ZBTB7C: variants seen among roughly 807,000 people sequenced by gnomAD.
ZBTB7C encodes the protein zinc finger and BTB domain containing 7C, also known as zinc finger and BTB domain-containing protein 7C.
ZBTB7C carries 8 observed loss-of-function variants against 25.7 expected under a neutral mutation model. The observed-to-expected ratio is 0.31, with a 90% confidence interval of 0.18 to 0.56. ZBTB7C has a LOEUF of 0.56. ZBTB7C is among the 20% of genes least tolerant of loss of function. The probability of loss-of-function intolerance (pLI) is 0.91; values close to 1 mark genes in which losing one functional copy is unlikely to be tolerated. For missense variants in ZBTB7C, 824 were observed against 855.2 expected, an observed-to-expected ratio of 0.96 and a Z score of 0.46; for synonymous variants, 394 against 369.0, an observed-to-expected ratio of 1.07 and a Z score of -0.78.
At chr18:48,066,768 G>A (rs1396947263) in intron 3 of ZBTB7C, among the ~76,000 whole-genome samples, 1 of 152,190 alleles carries the variant, frequency 6.6e-6, no homozygotes, top group Non-Finnish European at 1.5e-5. Context: ...TTGGAGTGGA[G>A]GAGAAGGAGC....
intron 3 of ZBTB7C, among the ~76,000 whole-genome samples, chr18:48,156,230 T>C (rs1227306818): frequency 6.6e-6 from 1 of 152,220 alleles, no homozygotes; most frequent in Admixed American, 6.5e-5. Context: ...ATGTTCAAGA[T>C]GAATGCCAAG....
chr18:48,031,103 C>T (rs1023978423), intron 4 of ZBTB7C, among the ~76,000 whole-genome samples: 10 of 152,134 alleles, frequency 6.6e-5, no homozygotes, highest in African/African-American at 9.7e-5. Context: ...AGGTGTCCTC[C>T]CTAAGATGGC....
At chr18:48,286,920 C>T (rs886929070) in intron 2 of ZBTB7C, among the ~76,000 whole-genome samples, 4 of 151,946 alleles carry the variant, frequency 2.6e-5, no homozygotes, top group South Asian at 4.2e-4. Flanking sequence ...GGCATGGTGG[C>T]GCACACCTGT....
At position 48,373,789 on chromosome 18, in the gene ZBTB7C, A is replaced by G. The variant is rs559375719; in HGVS notation, c.-303-35391T>C. ...ATCCTGGTAAACACGGTGAAACCCC[A>G]TCTCTACTAAAAATACCAAAAATTA... On this transcript the variant is annotated intron_variant, in intron 1 of 4. Transcript: ENST00000590800. Among the ~76,000 whole-genome samples, 20 of 152,230 alleles carry G rather than the reference A, an allele frequency of 1.3e-4. 1 individual carries two copies. In the East Asian group the frequency reaches 2.1e-3, roughly 16 times the overall value.
intron 3 of ZBTB7C, among the ~76,000 whole-genome samples, chr18:48,078,524 A>G (rs1454147862): frequency 6.6e-6 from 1 of 152,224 alleles, no homozygotes; most frequent in Non-Finnish European, 1.5e-5. Flanking sequence ...CAGGCCCAGC[A>G]TAAGAAGAGT....
In ZBTB7C at chr18:48,140,666, G is replaced by A. The variant is rs530802704; in HGVS notation, c.-17+45268C>T. Reference sequence around the variant, plus strand: ...GGGTATTGTTAGGCAGGGGGAGGCTGAGAGGGAGGTTGGCCTTTGCTAGAG... The same window carrying A: ...GGGTATTGTTAGGCAGGGGGAGGCTAAGAGGGAGGTTGGCCTTTGCTAGAG... On this transcript the variant is annotated intron_variant, in intron 3 of 4. Coordinates refer to ENST00000590800, the MANE Select transcript of ZBTB7C (RefSeq NM_001318841.2). Among the ~76,000 whole-genome samples, 4 of 152,266 alleles carry A rather than the reference G, an allele frequency of 2.6e-5. No individual in the cohort carries two copies. In the South Asian group the frequency reaches 8.3e-4, roughly 32 times the overall value.
chr18:48,302,525 C>G (rs1286781591), intron 2 of ZBTB7C, among the ~76,000 whole-genome samples: 1 of 152,222 alleles, frequency 6.6e-6, no homozygotes, highest in African/African-American at 2.4e-5. Context: ...AAAGCAGTTC[C>G]TCCCCTCAGA....
chr18:48,041,176 G>T, intron 3 of ZBTB7C, 53 bp from the exon 4 acceptor site: 1 of 1,521,158 alleles, frequency 6.6e-7, no homozygotes. Context: ...GCCCCAGGAG[G>T]GGTCTCAACT....
chr18:48,198,491 C>T (rs1269812037), intron 2 of ZBTB7C, among the ~76,000 whole-genome samples: 1 of 152,164 alleles, frequency 6.6e-6, no homozygotes, highest in Non-Finnish European at 1.5e-5. Context: ...GGGTTGTATT[C>T]CTTCTGGAGA....
chr18:48,070,070 C>G (rs1011423602), intron 3 of ZBTB7C, among the ~76,000 whole-genome samples: 1 of 152,114 alleles, frequency 6.6e-6, no homozygotes, highest in African/African-American at 2.4e-5. Context: ...TGTGGCAGAG[C>G]CAGAAGTCAA....
chr18:48,162,482 T>C (rs548052328), intron 3 of ZBTB7C: 104 of 440,014 alleles, frequency 2.4e-4, no homozygotes, highest in South Asian at 1.3e-3. Flanking sequence ...TCATAGACAG[T>C]TGTTACTATT....
intron 3 of ZBTB7C, among the ~76,000 whole-genome samples, chr18:48,058,102 G>A (rs1194895829): frequency 6.6e-6 from 1 of 152,222 alleles, no homozygotes; most frequent in African/African-American, 2.4e-5. Context: ...AGCACCATCT[G>A]AGCTTCAAGA....
intron 2 of ZBTB7C, among the ~76,000 whole-genome samples, chr18:48,269,524 G>GC (rs1170502150): frequency 1.3e-5 from 2 of 152,242 alleles, no homozygotes; most frequent in Non-Finnish European, 2.9e-5. Context: ...TGGGGATGAA[G>GC]TGGTGGAGAA....
intron 3 of ZBTB7C, among the ~76,000 whole-genome samples, chr18:48,062,448 G>C (rs2037163014): frequency 6.6e-6 from 1 of 152,200 alleles, no homozygotes; most frequent in African/African-American, 2.4e-5. Context: ...TGAACACTAA[G>C]CGTGTCAAGA....
chr18:48,282,470 A>T (rs2044892851), intron 2 of ZBTB7C, among the ~76,000 whole-genome samples: 1 of 152,186 alleles, frequency 6.6e-6, no homozygotes, highest in South Asian at 2.1e-4. Flanking sequence ...ATAATAAAAA[A>T]AAAATTTAGT....
intron 3 of ZBTB7C, among the ~76,000 whole-genome samples, chr18:48,106,830 CG>C (rs1282903588): frequency 8.6e-6 from 1 of 115,932 alleles, no homozygotes; most frequent in African/African-American, 3.3e-5. Context: ...GGTTCTGCAG[CG>C]GGGTGGGGAA....
chr18:48,291,868 A>C (rs1412613053), intron 2 of ZBTB7C, among the ~76,000 whole-genome samples: 2 of 152,152 alleles, frequency 1.3e-5, no homozygotes, highest in African/African-American at 4.8e-5. Flanking sequence ...GATCTCTGCT[A>C]GGAGAGACTC....
chr18:48,361,068 G>A (rs919632523), intron 1 of ZBTB7C, among the ~76,000 whole-genome samples: 1 of 152,102 alleles, frequency 6.6e-6, no homozygotes, highest in Non-Finnish European at 1.5e-5. Context: ...GCTGGTTAGT[G>A]GTACCAGGAT....
At chr18:48,264,320 G>A (rs777321205) in intron 2 of ZBTB7C, among the ~76,000 whole-genome samples, 15 of 152,204 alleles carry the variant, frequency 9.9e-5, no homozygotes, top group Non-Finnish European at 1.6e-4. Flanking sequence ...TCACCTTTAT[G>A]AGCACAACTG....
Sources: gnomAD v4.1 joint callset for allele counts (sites outside exome capture counted in the v4.1 genomes callset) on GRCh38, gnomAD v4.1.1 for gene constraint, MANE v1.5 for transcripts, NCBI Gene and HGNC (gene_info 2026-07-23, HGNC 2026-07-21) for gene names.